Variants in ARL14EPL observed in about 807,000 individuals in gnomAD.
The protein encoded by ARL14EPL is ARF like GTPase 14 effector protein like.
ARL14EPL carries 17 observed loss-of-function variants against 15.9 expected under a neutral mutation model. That is an observed-to-expected ratio of 1.07 (90% CI 0.73 to 1.60). ARL14EPL has a LOEUF of 1.60. Ranked by LOEUF, ARL14EPL falls within the 40% of genes most tolerant of loss-of-function variation. The pLI is 0.00. For missense variants in ARL14EPL, 214 were observed against 185.9 expected, an observed-to-expected ratio of 1.15 and a Z score of -0.88; for synonymous variants, 78 against 63.8, an observed-to-expected ratio of 1.22 and a Z score of -1.06.
chr5:116,036,231 C>T (rs1749047893), intron 1 of ARL14EPL, among the ~76,000 whole-genome samples: 1 of 152,192 alleles, frequency 6.6e-6, no homozygotes, highest in Non-Finnish European at 1.5e-5. Flanking sequence ...AAACCCCATT[C>T]ACCTTTGGGT....
At chr5:116,055,811 C>A (rs1388644008) in intron 3 of ARL14EPL, among the ~76,000 whole-genome samples, 1 of 151,956 alleles carries the variant, frequency 6.6e-6, no homozygotes. Flanking sequence ...CCCAACCCCA[C>A]AACAGGCCCC....
chr5:116,048,310 C>G (rs1749311264), intron 1 of ARL14EPL, among the ~76,000 whole-genome samples: 3 of 152,114 alleles, frequency 2.0e-5, no homozygotes, highest in African/African-American at 4.8e-5. Context: ...AGATGAGCAT[C>G]TTGTATAGTT....
chr5:116,055,077 T>C (rs1749482957), intron 3 of ARL14EPL, among the ~76,000 whole-genome samples: 1 of 152,100 alleles, frequency 6.6e-6, no homozygotes, highest in Admixed American at 6.5e-5. Flanking sequence ...AATAAAATGA[T>C]AAACAGACAT....
intron 1 of ARL14EPL, among the ~76,000 whole-genome samples, chr5:116,033,198 G>A (rs535293472): frequency 2.6e-5 from 4 of 152,220 alleles, no homozygotes; most frequent in South Asian, 2.1e-4. Flanking sequence ...GGAAATCCCC[G>A]ACTTACCGTG....
Position 116,059,340 on chromosome 5 carries a change from T to G in ARL14EPL, c.*393T>G. ...CATAGAATCTTAAATTTATAATATC[T>G]AGTTGTCCTTAGAATCTTATACATC... is the stretch of plus-strand genomic sequence containing the variant. On this transcript the variant is annotated 3_prime_UTR_variant, in exon 4 of 4. Coordinates refer to ENST00000686077, the MANE Select transcript of ARL14EPL (RefSeq NM_001195581.2). 5.3e-6 allele frequency: 1 copy of G among 188,834 alleles called. No homozygotes were observed. The highest frequency in any genetic ancestry group is 1.1e-5 in the Non-Finnish European group (1 of 89,318). The allele number at this position is 188,834 out of a possible 1,614,324, so 11.7% of individuals were successfully genotyped here.
chr5:116,059,432 A>G lies in ARL14EPL; in HGVS notation c.*485A>G, dbSNP rs1163046971. On this transcript the variant is annotated 3_prime_UTR_variant, in exon 4 of 4. Coordinates refer to ENST00000686077, the MANE Select transcript of ARL14EPL (RefSeq NM_001195581.2). The stretch of plus-strand genomic sequence containing the variant: ...AACTGTGACTTTGCACTGTATACCC[A>G]TAGCCTCATTTTTTTATTGTTCATG... 1.3e-5 allele frequency: 2 copies of G among 153,306 alleles called. No individual in the cohort carries two copies. Among genetic ancestry groups the G allele is most frequent in the African/African-American group, 4.8e-5 (2 of 41,448 alleles). 9.5% of individuals were successfully genotyped at this position (153,306 alleles called of 1,614,324 possible). A position where few individuals can be genotyped will look rare whatever the true frequency, so the allele number is the denominator to read the frequency against.
intron 1 of ARL14EPL, among the ~76,000 whole-genome samples, chr5:116,045,873 A>G (rs1272891450): frequency 2.0e-5 from 3 of 152,086 alleles, no homozygotes; most frequent in African/African-American, 7.2e-5. Context: ...TTGATTATCT[A>G]ACAACACTCT....
chr5:116,059,017 A>T lies in ARL14EPL; in HGVS notation c.*70A>T, dbSNP rs983394836. 7 of 1,419,344 alleles carry T rather than the reference A, an allele frequency of 4.9e-6. No homozygotes were observed. The African/African-American group carries it at 8.5e-5, about 17-fold the overall frequency. 87.9% of individuals were successfully genotyped at this position (1,419,344 alleles called of 1,614,324 possible). On this transcript the variant is annotated 3_prime_UTR_variant, in exon 4 of 4. Transcript: ENST00000686077. ...TAAGTTGACCTCTTTCTTTTGGGTGAATTTTAGGGCTTGGGGGAAATATCG... is the reference window on the plus strand; with the variant it reads ...TAAGTTGACCTCTTTCTTTTGGGTGTATTTTAGGGCTTGGGGGAAATATCG...
chr5:116,034,536 C>G (rs1749013774), intron 1 of ARL14EPL, among the ~76,000 whole-genome samples: 1 of 152,088 alleles, frequency 6.6e-6, no homozygotes, highest in African/African-American at 2.4e-5. Flanking sequence ...CCAACACATA[C>G]CCCCATTTTT....
At chr5:116,049,918 G>A (rs1364177566) in intron 1 of ARL14EPL, among the ~76,000 whole-genome samples, 2 of 152,172 alleles carry the variant, frequency 1.3e-5, no homozygotes, top group Non-Finnish European at 2.9e-5. Context: ...AATAATGGCA[G>A]TAGAAATTAT....
chr5:116,044,783 G>T (rs993261505), intron 1 of ARL14EPL, among the ~76,000 whole-genome samples: 3 of 151,840 alleles, frequency 2.0e-5, no homozygotes, highest in African/African-American at 7.3e-5. Context: ...ACCTCCCCTC[G>T]TCCCAGCCAT....
At chr5:116,055,687 G>A (rs1189257253) in intron 3 of ARL14EPL, among the ~76,000 whole-genome samples, 1 of 151,710 alleles carries the variant, frequency 6.6e-6, no homozygotes, top group Admixed American at 6.6e-5. Flanking sequence ...TAGGGTACAT[G>A]TGCACAATGT....
At position 116,050,587 on chromosome 5, in the gene ARL14EPL, G is replaced by C. The variant is rs189134725; in HGVS notation, c.-9-870G>C. ...AGAGAGGTGATGCTAAATGAGTCAAGCCAACATGATAACGCCTAACTCTTA... is the reference window on the plus strand; with the variant it reads ...AGAGAGGTGATGCTAAATGAGTCAACCCAACATGATAACGCCTAACTCTTA... On this transcript the variant is annotated intron_variant, in intron 1 of 3. Coordinates refer to ENST00000686077, the MANE Select transcript of ARL14EPL (RefSeq NM_001195581.2). Among the ~76,000 whole-genome samples, 93 of 152,228 alleles carry C rather than the reference G, an allele frequency of 6.1e-4. 1 individual carries two copies. The highest frequency in any genetic ancestry group is 2.2e-3 in the African/African-American group (90 of 41,550).
intron 3 of ARL14EPL, among the ~76,000 whole-genome samples, chr5:116,056,324 T>C (rs1580418668): frequency 6.6e-6 from 1 of 152,208 alleles, no homozygotes; most frequent in African/African-American, 2.4e-5. Flanking sequence ...TTCCTGACTT[T>C]TTAATGATCG....
intron 1 of ARL14EPL, among the ~76,000 whole-genome samples, chr5:116,042,204 G>A (rs539557846): frequency 1.3e-5 from 2 of 152,256 alleles, no homozygotes; most frequent in South Asian, 2.1e-4. Context: ...CCTCTCAGCT[G>A]CACAGTGCCT....
intron 1 of ARL14EPL, among the ~76,000 whole-genome samples, chr5:116,041,652 C>T (rs1283219508): frequency 6.6e-6 from 1 of 152,138 alleles, no homozygotes; most frequent in Non-Finnish European, 1.5e-5. Flanking sequence ...AGAGCCTAGA[C>T]AACCCCTGAC....
chr5:116,047,823 C>T (rs1749302416), intron 1 of ARL14EPL, among the ~76,000 whole-genome samples: 1 of 152,092 alleles, frequency 6.6e-6, no homozygotes, highest in African/African-American at 2.4e-5. Context: ...TATGGCTGGC[C>T]TTGGAGAAAA....
chr5:116,054,290 G>C, intron 3 of ARL14EPL, 137 bp downstream of exon 3: 1 of 956,314 alleles, frequency 1.0e-6, no homozygotes. Flanking sequence ...TAGTACCCAT[G>C]TGTCTGGACG....
At chr5:116,043,630 A>G (rs1749207949) in intron 1 of ARL14EPL, among the ~76,000 whole-genome samples, 1 of 152,204 alleles carries the variant, frequency 6.6e-6, no homozygotes, top group Non-Finnish European at 1.5e-5. Flanking sequence ...TAAATAATAC[A>G]GGATAATTAT....
Sources: gnomAD v4.1 joint callset for allele counts (sites outside exome capture counted in the v4.1 genomes callset) on GRCh38, gnomAD v4.1.1 for gene constraint, MANE v1.5 for transcripts, NCBI Gene and HGNC (gene_info 2026-07-23, HGNC 2026-07-21) for gene names.